The following SLC35E1 variants were observed in gnomAD, a reference collection of about 807,000 sequenced individuals.
SLC35E1 encodes solute carrier family 35 member E1, also known as solute carrier family 35, member E1.
SLC35E1 carries 12 observed loss-of-function variants against 31.0 expected under a neutral mutation model. That is an observed-to-expected ratio of 0.39 (90% CI 0.25 to 0.63). The LOEUF (loss-of-function observed/expected upper bound fraction) is 0.63. SLC35E1 is among the 20% of genes least tolerant of loss of function. The pLI, the probability that SLC35E1 is intolerant of heterozygous loss-of-function variation, is 0.52. For missense variants in SLC35E1, 429 were observed against 572.2 expected, an observed-to-expected ratio of 0.75 and a Z score of 2.55; for synonymous variants, 257 against 264.1, an observed-to-expected ratio of 0.97 and a Z score of 0.26.
At position 16,552,749 on chromosome 19, in the gene SLC35E1, T is replaced by C. The variant is rs2122318301; in HGVS notation, c.*930A>G. On this transcript the variant is annotated 3_prime_UTR_variant, in exon 6 of 6. Transcript: ENST00000595753. Reference sequence around the variant, plus strand: ...ACACACACACACAACTACAAAATATTCCCTAGAAAAATGCAAGATCCTCCG... The same window carrying C: ...ACACACACACACAACTACAAAATATCCCCTAGAAAAATGCAAGATCCTCCG... 1 of 152,226 alleles carries C rather than the reference T, an allele frequency of 6.6e-6. No individual in the cohort carries two copies. The allele number at this position is 152,226 out of a possible 1,614,324, so 9.4% of individuals were successfully genotyped here.
intron 4 of SLC35E1, among the ~76,000 whole-genome samples, chr19:16,559,342 A>C (rs2085892549): frequency 6.6e-6 from 1 of 151,590 alleles, no homozygotes; most frequent in South Asian, 2.1e-4. Flanking sequence ...ATTTCTAGCC[A>C]AGTTTGGTGG....
At chr19:16,564,600 C>T (rs1435851292) in intron 4 of SLC35E1, among the ~76,000 whole-genome samples, 1 of 152,024 alleles carries the variant, frequency 6.6e-6, no homozygotes, top group African/African-American at 2.4e-5. Flanking sequence ...GCCACTGCGC[C>T]TGGCCAAGAC....
At chr19:16,563,630 C>T (rs12462605) in intron 4 of SLC35E1, among the ~76,000 whole-genome samples, 5,494 of 152,176 alleles carry the variant, frequency 0.036, 236 homozygotes, top group Admixed American at 0.088. Context: ...TATAGGCGTA[C>T]GCCACCACAC....
chr19:16,564,605 C>A, intron 4 of SLC35E1, among the ~76,000 whole-genome samples: 1 of 151,882 alleles, frequency 6.6e-6, no homozygotes, highest in Non-Finnish European at 1.5e-5. Flanking sequence ...TGCGCCTGGC[C>A]AAGACAGGAC....
At chr19:16,567,970 A>T (rs1381141247) in intron 3 of SLC35E1, 62 bp downstream of exon 3, 1 of 1,472,910 alleles carries the variant, frequency 6.8e-7, no homozygotes, top group Non-Finnish European at 9.0e-7. Flanking sequence ...TCCCAATGCC[A>T]CCAGTTTGCT....
At chr19:16,553,954 A>T in intron 5 of SLC35E1, 45 bp from the exon 6 acceptor site, 1 of 1,491,720 alleles carries the variant, frequency 6.7e-7, no homozygotes, top group Non-Finnish European at 9.0e-7. Context: ...CCCGGGGCAT[A>T]AGAGCTCGTA....
intron 4 of SLC35E1, among the ~76,000 whole-genome samples, chr19:16,560,641 G>A (rs1201622474): frequency 2.6e-5 from 4 of 151,932 alleles, no homozygotes; most frequent in African/African-American, 9.7e-5. Flanking sequence ...GCAGGGAGAT[G>A]ATCTGAGGTC....
chr19:16,571,883 T>G, intron 1 of SLC35E1, 61 bp downstream of exon 1: 1 of 1,495,846 alleles, frequency 6.7e-7, no homozygotes, highest in Non-Finnish European at 9.0e-7. Context: ...CTCCTATCCA[T>G]GCGCCCAAAC....
intron 4 of SLC35E1, among the ~76,000 whole-genome samples, chr19:16,561,406 C>G (rs185316716): frequency 6.6e-6 from 1 of 152,050 alleles, no homozygotes; most frequent in Admixed American, 6.6e-5. Context: ...GCTGAAGACA[C>G]AGGAGGAAGA....
At chr19:16,556,776 C>A in intron 4 of SLC35E1, 1 of 448,596 alleles carries the variant, frequency 2.2e-6, no homozygotes, top group Non-Finnish European at 4.7e-6. Flanking sequence ...CCTGCTGGAG[C>A]TGCAGGATGT....
chr19:16,568,205 C>A, intron 2 of SLC35E1, 36 bp from the exon 3 acceptor site: 1 of 1,567,564 alleles, frequency 6.4e-7, no homozygotes, highest in South Asian at 1.2e-5. Context: ...GCTCACAGGC[C>A]AGACTAGAGC....
chr19:16,572,269 C>A lies in SLC35E1; in HGVS notation c.96G>T (p.Ala32=). ...TCAGCGCGTACCACAGCAGGCACAG[C>A]GCCGCCACCCGCGCGCCCTCGCGCG... ...GGAREGARVA[A]LCLLWYALSA... The change falls in exon 1 of 6, where the codon GCG becomes GCT. Residue 32 remains alanine, a synonymous_variant. Transcript: ENST00000595753. This position sits in a 1 kb window ranked among gnomAD's most constrained non-coding sequence, Gnocchi z 4.1. The A allele has an allele frequency of 1.3e-6, 2 of 1,499,774 alleles. No individual in the cohort carries two copies. The highest frequency in any genetic ancestry group is 1.8e-6 in the Non-Finnish European group (2 of 1,123,310). 92.9% of individuals were successfully genotyped at this position (1,499,774 alleles called of 1,614,324 possible).
At chr19:16,558,263 C>T (rs1393344306) in intron 4 of SLC35E1, among the ~76,000 whole-genome samples, 1 of 151,980 alleles carries the variant, frequency 6.6e-6, no homozygotes, top group Admixed American at 6.6e-5. Context: ...AGGCTGGTCT[C>T]GAACTCCTGA....
chr19:16,569,608 G>T (rs2085947908), intron 2 of SLC35E1, among the ~76,000 whole-genome samples: 1 of 152,180 alleles, frequency 6.6e-6, no homozygotes, highest in Non-Finnish European at 1.5e-5. Context: ...CACTTTGGGA[G>T]GCTGAGGAGG....
At chr19:16,567,905 T>C in intron 3 of SLC35E1, 127 bp downstream of exon 3, 1 of 1,301,308 alleles carries the variant, frequency 7.7e-7, no homozygotes, top group Non-Finnish European at 1.0e-6. Flanking sequence ...ATCAGCAGAA[T>C]GGCAATCAAG....
intron 4 of SLC35E1, among the ~76,000 whole-genome samples, chr19:16,560,965 G>A (rs1474810030): frequency 5.4e-4 from 81 of 149,020 alleles, no homozygotes; most frequent in Admixed American, 6.0e-4. Flanking sequence ...TCTTTGGGAG[G>A]TCGAGGCAGG....
intron 4 of SLC35E1, among the ~76,000 whole-genome samples, chr19:16,562,060 A>G (rs1235306999): frequency 6.6e-6 from 1 of 152,096 alleles, no homozygotes; most frequent in Non-Finnish European, 1.5e-5. Context: ...ACCACCAAAC[A>G]TAACATACAT....
Position 16,553,547 on chromosome 19 carries a change from C to T in SLC35E1, c.*132G>A. The T allele has an allele frequency of 1.2e-6, 1 of 854,958 alleles. No homozygotes were observed. Among genetic ancestry groups the T allele is most frequent in the African/African-American group, 1.7e-5 (1 of 57,778 alleles). The allele number at this position is 854,958 out of a possible 1,614,324, so 53.0% of individuals were successfully genotyped here. On this transcript the variant is annotated 3_prime_UTR_variant, in exon 6 of 6. Coordinates refer to ENST00000595753, the MANE Select transcript of SLC35E1 (RefSeq NM_024881.5). Reference sequence around the variant, plus strand: ...GCGGCTCACGGGGGGCCAGGAACCCCAGGGCTTCTGATGGAGAGTTATGCA... The same window carrying T: ...GCGGCTCACGGGGGGCCAGGAACCCTAGGGCTTCTGATGGAGAGTTATGCA...
At chr19:16,564,159 G>A (rs1431557583) in intron 4 of SLC35E1, 4 of 152,394 alleles carry the variant, frequency 2.6e-5, no homozygotes, top group Admixed American at 2.0e-4. Context: ...GGCACCTGGA[G>A]TCCTGAAGGA....
Sources: allele counts gnomAD v4.1 joint callset (sites outside exome capture counted in the v4.1 genomes callset), GRCh38; gene constraint gnomAD v4.1.1; non-coding constraint Gnocchi (gnomAD v3.1); transcripts MANE v1.5; gene names NCBI Gene and HGNC (gene_info 2026-07-23, HGNC 2026-07-21).